LINGO2: variants seen among roughly 807,000 people sequenced by gnomAD.
LINGO2 encodes the protein leucine rich repeat and Ig domain containing 2, also known as leucine-rich repeat and immunoglobulin-like domain-containing nogo receptor-interacting protein 2.
A neutral mutation model predicts 30.6 loss-of-function variants in LINGO2; 14 were observed. The observed-to-expected ratio is 0.46, with a 90% CI of 0.30 to 0.72. The LOEUF is 0.72. Ranked by LOEUF, LINGO2 falls within the 30% of genes least tolerant of loss-of-function variation. LINGO2 has a pLI of 0.07. For synonymous variants in LINGO2, 317 were observed against 288.5 expected (o/e 1.10, Z -1.00); for missense variants, 729 against 751.7 (o/e 0.97, Z 0.35).
At chr9:28,628,141 A>C (rs1325046882) in intron 1 of LINGO2, among the ~76,000 whole-genome samples, 4 of 152,116 alleles carry the variant, frequency 2.6e-5, no homozygotes, top group African/African-American at 4.8e-5. Flanking sequence ...CCCAGTGTAC[A>C]GAAGAATCAT....
chr9:28,745,496 A>C, the LINGO2 span, among the ~76,000 whole-genome samples: 2 of 152,106 alleles, frequency 1.3e-5, no homozygotes, highest in African/African-American at 4.8e-5. Context: ...TTTGTAAATG[A>C]ATGTCTTTAC....
the LINGO2 span, among the ~76,000 whole-genome samples, chr9:29,012,782 CT>C: frequency 2.0e-5 from 3 of 152,070 alleles, no homozygotes; most frequent in African/African-American, 7.2e-5. Context: ...AAAACATCTA[CT>C]TTTGCTTTTT....
At chr9:28,046,522 T>TA (rs565533886) in intron 4 of LINGO2, among the ~76,000 whole-genome samples, 92 of 152,296 alleles carry the variant, frequency 6.0e-4, no homozygotes, top group Non-Finnish European at 4.4e-5. Context: ...GGAATACTTT[T>TA]GTAACTTTTT....
At chr9:27,982,307 G>A (rs955236949) in intron 5 of LINGO2, among the ~76,000 whole-genome samples, 2 of 151,796 alleles carry the variant, frequency 1.3e-5, no homozygotes, top group African/African-American at 4.8e-5. Context: ...CCGGACACTA[G>A]GAATGGGCTC....
chr9:28,324,809 T>C (rs1372563128), intron 3 of LINGO2, among the ~76,000 whole-genome samples: 2 of 152,100 alleles, frequency 1.3e-5, no homozygotes, highest in Non-Finnish European at 1.5e-5. Flanking sequence ...AAAATACATA[T>C]AAGCAGCTGA....
At chr9:28,765,015 G>C in the LINGO2 span, among the ~76,000 whole-genome samples, 1 of 151,966 alleles carries the variant, frequency 6.6e-6, no homozygotes, top group East Asian at 1.9e-4. Context: ...TAAATGAAAA[G>C]ATATCCCTTG....
At chr9:28,443,099 A>G (rs1187087314) in intron 2 of LINGO2, among the ~76,000 whole-genome samples, 1 of 152,196 alleles carries the variant, frequency 6.6e-6, no homozygotes, top group African/African-American at 2.4e-5. Flanking sequence ...CATGAGTAGA[A>G]GAGGAAAAAT....
intron 4 of LINGO2, among the ~76,000 whole-genome samples, chr9:28,138,939 A>C (rs1387639825): frequency 2.0e-5 from 3 of 152,212 alleles, no homozygotes; most frequent in South Asian, 4.1e-4. Flanking sequence ...CTAAGAAAAA[A>C]AATGGGTTAT....
intron 2 of LINGO2, among the ~76,000 whole-genome samples, chr9:28,379,484 C>T (rs1245132453): frequency 6.6e-6 from 1 of 152,056 alleles, no homozygotes; most frequent in Non-Finnish European, 1.5e-5. Context: ...TGTTTCTGTT[C>T]AACAATTTTA....
At chr9:28,404,352 A>G (rs192512520) in intron 2 of LINGO2, among the ~76,000 whole-genome samples, 145 of 152,164 alleles carry the variant, frequency 9.5e-4, no homozygotes, top group African/African-American at 3.3e-3. Context: ...AAAGAAAAAA[A>G]ATCAGCTTAC....
At chr9:27,937,695 A>G in the LINGO2 span, 1 of 152,188 alleles carries the variant, frequency 6.6e-6, no homozygotes, top group African/African-American at 2.4e-5. Context: ...CAATTCAAAC[A>G]TACAAATCAA....
At chr9:28,923,568 C>G in the LINGO2 span, among the ~76,000 whole-genome samples, 3 of 152,072 alleles carry the variant, frequency 2.0e-5, no homozygotes, top group African/African-American at 4.8e-5. Context: ...TTGGCATGTT[C>G]CAAGAGTGAA....
At chr9:28,409,810 C>A (rs981349432) in intron 2 of LINGO2, among the ~76,000 whole-genome samples, 2 of 151,606 alleles carry the variant, frequency 1.3e-5, no homozygotes, top group African/African-American at 4.8e-5. Context: ...TACCATCTAG[C>A]CCAACAACCT....
Position 28,630,843 on chromosome 9 carries a change from C to G in LINGO2, c.-365+39357G>C, listed in dbSNP as rs1262904995. ...GAGTATGCAGACTATTTTTAGTAAC[C>G]CTCAGAATCAAAACAGCCTCTATTC... On this transcript the variant is annotated intron_variant, in intron 1 of 5. Transcript: ENST00000379992. Among the ~76,000 whole-genome samples, 5 of 151,214 alleles carry G rather than the reference C, an allele frequency of 3.3e-5. 1 individual carries two copies. Among genetic ancestry groups the G allele is most frequent in the Non-Finnish European group, 7.4e-5 (5 of 67,824 alleles).
chr9:28,942,718 A>G, the LINGO2 span, among the ~76,000 whole-genome samples: 1 of 152,140 alleles, frequency 6.6e-6, no homozygotes, highest in Admixed American at 6.6e-5. Context: ...CTGTATACTT[A>G]AAAGTTTTTT....
At chr9:28,043,055 G>A (rs1260790829) in intron 4 of LINGO2, among the ~76,000 whole-genome samples, 5 of 152,212 alleles carry the variant, frequency 3.3e-5, no homozygotes, top group Admixed American at 6.5e-5. Flanking sequence ...AGGATGCACA[G>A]GCAAATTGGG....
chr9:27,999,179 A>G (rs1248648227), intron 5 of LINGO2, among the ~76,000 whole-genome samples: 1 of 150,502 alleles, frequency 6.6e-6, no homozygotes, highest in Non-Finnish European at 1.5e-5. Context: ...ATGAAAAAGC[A>G]AAAAAAAACC....
intron 1 of LINGO2, among the ~76,000 whole-genome samples, chr9:28,589,825 A>T (rs1354301905): frequency 2.0e-5 from 3 of 152,110 alleles, no homozygotes; most frequent in Non-Finnish European, 4.4e-5. Flanking sequence ...TGGAACCAAA[A>T]AAGAGCCCGC....
intron 2 of LINGO2, among the ~76,000 whole-genome samples, chr9:28,410,276 A>C (rs1048179668): frequency 1.3e-5 from 2 of 152,094 alleles, no homozygotes; most frequent in African/African-American, 4.8e-5. Flanking sequence ...TATATGAAGA[A>C]ATTACGAACC....
Sources: gnomAD v4.1 joint callset for allele counts (sites outside exome capture counted in the v4.1 genomes callset) on GRCh38, gnomAD v4.1.1 for gene constraint, MANE v1.5 for transcripts, NCBI Gene and HGNC (gene_info 2026-07-23, HGNC 2026-07-21) for gene names.